The following SENP7 variants were observed in gnomAD, a reference collection of about 807,000 sequenced individuals.
The protein encoded by SENP7 is SUMO specific peptidase 7.
A neutral mutation model predicts 141.2 loss-of-function variants in SENP7; 64 were observed. The ratio of observed to expected loss-of-function variants is 0.45; its 90% CI spans 0.37 to 0.56. The LOEUF is 0.56. Ranked by LOEUF, SENP7 falls within the 20% of genes least tolerant of loss-of-function variation. SENP7 has a pLI of 0.00. For synonymous variants in SENP7, 382 were observed against 426.4 expected (o/e 0.90, Z 1.28); for missense variants, 1,025 against 1,212.2 (o/e 0.85, Z 2.29).
At chr3:101,478,345 C>T (rs2064307343) in intron 3 of SENP7, among the ~76,000 whole-genome samples, 1 of 152,010 alleles carries the variant, frequency 6.6e-6, no homozygotes, top group Non-Finnish European at 1.5e-5. Context: ...CAGCAAGACC[C>T]CACCTCTACC....
At chr3:101,438,408 G>C (rs1444396361) in intron 4 of SENP7, among the ~76,000 whole-genome samples, 1 of 152,138 alleles carries the variant, frequency 6.6e-6, no homozygotes, top group South Asian at 2.1e-4. Flanking sequence ...TGGTCATAAG[G>C]GGAATGGGGT....
chr3:101,366,744 A>G lies in SENP7; in HGVS notation c.1004T>C (p.Ile335Thr), dbSNP rs748027264. Residue 335 changes from isoleucine (I) to threonine (T), a missense_variant, in exon 9 of 24, where the codon ATA becomes ACA. Transcript: ENST00000394095. ...QTKKQEDDST[I>T]STEFEKPSEN... ...ACTTGGCTTTTCAAACTCAGTGGAT[A>G]TTGTTGAGTCATCTTCTTGTTTTTT... The G allele has an allele frequency of 6.3e-6, 10 of 1,597,900 alleles. No homozygotes were observed. Among genetic ancestry groups the G allele is most frequent in the Non-Finnish European group, 7.7e-6 (9 of 1,171,186 alleles).
intron 13 of SENP7, among the ~76,000 whole-genome samples, chr3:101,345,617 C>A (rs1161065025): frequency 1.3e-5 from 2 of 152,070 alleles, no homozygotes; most frequent in African/African-American, 4.8e-5. Context: ...AGTTTGACTT[C>A]CCCTTTACAG....
At chr3:101,402,908 C>G (rs1204129284) in intron 5 of SENP7, among the ~76,000 whole-genome samples, 1 of 152,126 alleles carries the variant, frequency 6.6e-6, no homozygotes, top group African/African-American at 2.4e-5. Context: ...GCCCATGGAT[C>G]AAGAAGTAAT....
At chr3:101,372,764 T>C (rs943454490) in intron 6 of SENP7, among the ~76,000 whole-genome samples, 1 of 151,980 alleles carries the variant, frequency 6.6e-6, no homozygotes, top group African/African-American at 2.4e-5. Flanking sequence ...ATTTGGGTAG[T>C]AGATAACTCT....
chr3:101,480,471 C>T (rs1049940100), intron 3 of SENP7, among the ~76,000 whole-genome samples: 1 of 152,088 alleles, frequency 6.6e-6, no homozygotes, highest in Non-Finnish European at 1.5e-5. Flanking sequence ...TATCCATACG[C>T]AGAAAAATAA....
intron 5 of SENP7, among the ~76,000 whole-genome samples, chr3:101,402,724 C>G (rs1167123991): frequency 6.6e-6 from 1 of 151,694 alleles, no homozygotes; most frequent in Admixed American, 6.6e-5. Flanking sequence ...GCGTGGATCA[C>G]TGAATCACTT....
rs1012173670 is a variant in SENP7 at position 101,493,882 on chromosome 3, G to A, written c.177C>T (p.Leu59=). Residue 59 remains leucine (L), a synonymous_variant, in exon 3 of 24, where the codon CTC becomes CTT. Transcript: ENST00000394095. ...SKFRSSERWT[L]PLQWERSLRN... ...TAATTTTATTTACCACCTGCAAAGG[G>A]AGAGTCCAGCGTTCTGAGCTTCTGA... 4 of 1,586,478 alleles carry A rather than the reference G, an allele frequency of 2.5e-6. No homozygotes were observed. Among genetic ancestry groups the A allele is most frequent in the Admixed American group, 1.7e-5 (1 of 59,768 alleles).
intron 5 of SENP7, among the ~76,000 whole-genome samples, chr3:101,409,757 T>G (rs1487889092): frequency 3.3e-5 from 5 of 152,324 alleles, no homozygotes; most frequent in Non-Finnish European, 7.4e-5. Context: ...AACTGGAGCC[T>G]CATCTCTCAC....
At position 101,366,634 on chromosome 3, in the gene SENP7, T is replaced by C. The variant is rs1216789096; in HGVS notation, c.1114A>G (p.Asn372Asp). ...TTACTCAAAGTCAACTCCTGACTGT[T>C]AAGTGAGGATAGTTTAGTAAAATCA... is the stretch of plus-strand genomic sequence containing the variant. ...KSDFTKLSSL[N>D]SQELTLSNAT... The change falls in exon 9 of 24, where the codon AAC becomes GAC. Residue 372 changes from asparagine (N) to aspartate (D), a missense_variant. Asn to Asp is a conservative substitution (Grantham distance 23). Coordinates refer to ENST00000394095, the MANE Select transcript of SENP7 (RefSeq NM_020654.5). 6.2e-7 allele frequency: 1 copy of C among 1,613,588 alleles called. No individual in the cohort carries two copies. Among genetic ancestry groups the C allele is most frequent in the African/African-American group, 1.3e-5 (1 of 74,916 alleles).
At chr3:101,490,957 G>C (rs191115288) in intron 3 of SENP7, among the ~76,000 whole-genome samples, 1 of 151,930 alleles carries the variant, frequency 6.6e-6, no homozygotes, top group African/African-American at 2.4e-5. Context: ...ACAGGATTTC[G>C]ATTTCCCAAA....
At chr3:101,349,466 T>C (rs937922970) in intron 12 of SENP7, among the ~76,000 whole-genome samples, 2 of 152,160 alleles carry the variant, frequency 1.3e-5, no homozygotes, top group African/African-American at 2.4e-5. Context: ...TGTGTTCTCA[T>C]TGTTCAATTC....
chr3:101,432,205 T>C (rs1216861594), intron 4 of SENP7, among the ~76,000 whole-genome samples: 1 of 152,102 alleles, frequency 6.6e-6, no homozygotes, highest in East Asian at 1.9e-4. Flanking sequence ...CTCTTCTGCT[T>C]TTGGGAAAGT....
At chr3:101,465,142 G>C (rs564648659) in intron 3 of SENP7, among the ~76,000 whole-genome samples, 9 of 151,872 alleles carry the variant, frequency 5.9e-5, no homozygotes, top group African/African-American at 1.7e-4. Context: ...ACACCATTAG[G>C]GGGGTGGAGG....
chr3:101,482,866 C>T (rs1262342201), intron 3 of SENP7, among the ~76,000 whole-genome samples: 1 of 152,000 alleles, frequency 6.6e-6, no homozygotes, highest in African/African-American at 2.4e-5. Flanking sequence ...AAAAAAGTTC[C>T]TTTCAATCCA....
At chr3:101,359,776 T>C (rs2107334545) in intron 11 of SENP7, among the ~76,000 whole-genome samples, 1 of 152,256 alleles carries the variant, frequency 6.6e-6, no homozygotes, top group African/African-American at 2.4e-5. Context: ...ATATATACTA[T>C]ACAGTGAATG....
chr3:101,458,800 A>C (rs12496159), intron 4 of SENP7, among the ~76,000 whole-genome samples, 155 bp downstream of exon 4: 60,351 of 152,048 alleles, frequency 0.4, 12,488 homozygotes, highest in Admixed American at 0.54. Context: ...AAAATCACAG[A>C]AAGTTAGAGA....
intron 3 of SENP7, among the ~76,000 whole-genome samples, chr3:101,460,142 C>T (rs1460781460): frequency 6.6e-6 from 1 of 152,146 alleles, no homozygotes; most frequent in Non-Finnish European, 1.5e-5. Context: ...CCCAAAATGA[C>T]CTCCAGATTC....
At chr3:101,500,890 A>G (rs1158502706) in intron 2 of SENP7, among the ~76,000 whole-genome samples, 180 bp downstream of exon 2, 1 of 152,236 alleles carries the variant, frequency 6.6e-6, no homozygotes, top group East Asian at 1.9e-4. Flanking sequence ...CTATTTAAAC[A>G]AAGTTGGTAG....
Sources: allele counts gnomAD v4.1 joint callset (sites outside exome capture counted in the v4.1 genomes callset), GRCh38; gene constraint gnomAD v4.1.1; transcripts MANE v1.5; gene names NCBI Gene and HGNC (gene_info 2026-07-23, HGNC 2026-07-21).